ASIC2: variants seen among roughly 807,000 people sequenced by gnomAD.
ASIC2 encodes the protein acid sensing ion channel subunit 2.
ASIC2 carries 25 observed loss-of-function variants against 57.3 expected under a neutral mutation model. The ratio of observed to expected loss-of-function variants is 0.44; its 90% CI spans 0.32 to 0.61. The LOEUF (loss-of-function observed/expected upper bound fraction) is 0.61. ASIC2 is among the 20% of genes least tolerant of loss of function. The pLI, the probability that ASIC2 is intolerant of heterozygous loss-of-function variation, is 0.06. For missense variants in ASIC2, 641 were observed against 738.1 expected (o/e 0.87, Z 1.52); for synonymous variants, 319 against 307.5 (o/e 1.04, Z -0.39).
chr17:34,067,640 G>A (rs537646624), intron 1 of ASIC2, among the ~76,000 whole-genome samples: 2 of 152,228 alleles, frequency 1.3e-5, no homozygotes, highest in South Asian at 4.1e-4. Flanking sequence ...TTTTTCAAAT[G>A]GAAATAACTT....
chr17:34,024,311 G>C (rs1907291489), intron 1 of ASIC2, among the ~76,000 whole-genome samples: 1 of 152,240 alleles, frequency 6.6e-6, no homozygotes, highest in Admixed American at 6.5e-5. Context: ...AGAAACTAAT[G>C]AGGCAGAAAG....
chr17:34,007,885 C>T (rs908240282), intron 1 of ASIC2, among the ~76,000 whole-genome samples: 7 of 152,162 alleles, frequency 4.6e-5, no homozygotes, highest in African/African-American at 1.7e-4. Context: ...GCACTAAATA[C>T]CCCCAATGAA....
intron 3 of ASIC2, among the ~76,000 whole-genome samples, chr17:33,056,443 C>T (rs1433054194): frequency 6.6e-6 from 1 of 152,140 alleles, no homozygotes; most frequent in Admixed American, 6.5e-5. Flanking sequence ...AGCCCCTTCC[C>T]AGCCACCCCC....
At chr17:33,247,099 C>T (rs1324083767) in intron 1 of ASIC2, among the ~76,000 whole-genome samples, 1 of 152,132 alleles carries the variant, frequency 6.6e-6, no homozygotes, top group Non-Finnish European at 1.5e-5. Flanking sequence ...ATTCATTGTT[C>T]GATAGAGCGT....
At chr17:34,116,810 C>T (rs1467000893) in intron 1 of ASIC2, among the ~76,000 whole-genome samples, 2 of 152,014 alleles carry the variant, frequency 1.3e-5, no homozygotes, top group East Asian at 3.8e-4. Context: ...CCTGAGACTC[C>T]AAAGAATTCC....
chr17:33,557,587 G>A (rs929028936), intron 1 of ASIC2, among the ~76,000 whole-genome samples: 1 of 152,186 alleles, frequency 6.6e-6, no homozygotes, highest in Admixed American at 6.5e-5. Flanking sequence ...GAGTGTTAGA[G>A]TTGAGAAAGA....
chr17:34,105,496 G>GT (rs1911014727), intron 1 of ASIC2, among the ~76,000 whole-genome samples: 1 of 58,956 alleles, frequency 1.7e-5, no homozygotes. Flanking sequence ...TTTTTTTTTT[G>GT]CTTGTTTTTA....
At chr17:34,040,474 C>T (rs945821555) in intron 1 of ASIC2, among the ~76,000 whole-genome samples, 5 of 150,646 alleles carry the variant, frequency 3.3e-5, no homozygotes, top group African/African-American at 1.2e-4. Context: ...TGGGGGGGGT[C>T]CCCGCTGCCC....
intron 1 of ASIC2, among the ~76,000 whole-genome samples, chr17:33,208,589 C>A (rs1907157116): frequency 6.6e-6 from 1 of 152,190 alleles, no homozygotes; most frequent in East Asian, 1.9e-4. Flanking sequence ...GGTTTGCTGA[C>A]CAACAAAGTC....
At chr17:33,768,994 A>G (rs1443917580) in intron 1 of ASIC2, among the ~76,000 whole-genome samples, 3 of 152,210 alleles carry the variant, frequency 2.0e-5, no homozygotes, top group Non-Finnish European at 4.4e-5. Context: ...AACTTAAAGT[A>G]TAATAAAAAA....
intron 1 of ASIC2, among the ~76,000 whole-genome samples, chr17:33,899,521 T>G (rs1349291065): frequency 1.3e-5 from 2 of 151,928 alleles, no homozygotes; most frequent in African/African-American, 2.4e-5. Flanking sequence ...GAGCAACGGA[T>G]GAATGAGGGT....
chr17:33,289,856 G>A (rs1905349408), intron 1 of ASIC2, among the ~76,000 whole-genome samples: 2 of 152,176 alleles, frequency 1.3e-5, no homozygotes, highest in South Asian at 4.1e-4. Context: ...CTACTTGGAT[G>A]TAACCTTGAA....
At chr17:33,064,423 C>G (rs1380853317) in intron 3 of ASIC2, among the ~76,000 whole-genome samples, 1 of 152,210 alleles carries the variant, frequency 6.6e-6, no homozygotes, top group Non-Finnish European at 1.5e-5. Flanking sequence ...TCTGGAGGTC[C>G]ACTCCAGACC....
chr17:33,054,387 T>C (rs545260224), intron 3 of ASIC2, among the ~76,000 whole-genome samples: 3 of 152,154 alleles, frequency 2.0e-5, no homozygotes, highest in Admixed American at 1.3e-4. Context: ...AGTTTCCCCA[T>C]AGGTAAAATT....
At chr17:33,180,202 G>C (rs532698148) in intron 1 of ASIC2, among the ~76,000 whole-genome samples, 4 of 152,140 alleles carry the variant, frequency 2.6e-5, no homozygotes, top group Non-Finnish European at 5.9e-5. Context: ...TTCTATTTAC[G>C]TCCACCTTTT....
chr17:33,036,452 A>G (rs938274567), intron 3 of ASIC2, among the ~76,000 whole-genome samples: 29 of 152,108 alleles, frequency 1.9e-4, no homozygotes, highest in African/African-American at 6.0e-4. Context: ...AGTTTTAGAG[A>G]CAGAGTCTTG....
chr17:34,128,238 G>C (rs1911845829), intron 1 of ASIC2, among the ~76,000 whole-genome samples: 1 of 152,176 alleles, frequency 6.6e-6, no homozygotes, highest in Non-Finnish European at 1.5e-5. Flanking sequence ...AGGCAAAGTA[G>C]TCTTATCAAA....
At chr17:33,706,907 T>A (rs2142073230) in intron 1 of ASIC2, among the ~76,000 whole-genome samples, 1 of 152,332 alleles carries the variant, frequency 6.6e-6, no homozygotes, top group African/African-American at 2.4e-5. Context: ...CAGCTTTGCA[T>A]ATCTTCTGTC....
At chr17:33,840,652 T>C (rs998345403) in intron 1 of ASIC2, among the ~76,000 whole-genome samples, 1 of 152,184 alleles carries the variant, frequency 6.6e-6, no homozygotes, top group Non-Finnish European at 1.5e-5. Context: ...TGACATCTAC[T>C]AGTTGGGTTT....
Sources: allele counts gnomAD v4.1 joint callset (sites outside exome capture counted in the v4.1 genomes callset), GRCh38; gene constraint gnomAD v4.1.1; transcripts MANE v1.5; gene names NCBI Gene and HGNC (gene_info 2026-07-23, HGNC 2026-07-21).